Variants in XKR9 observed in about 807,000 individuals in gnomAD.
XKR9 encodes the protein XK-related protein 9.
Under a neutral mutation model 32.0 loss-of-function variants are expected in XKR9, and 32 were observed. The observed-to-expected ratio is 1.00, with a 90% CI of 0.76 to 1.34. The LOEUF (loss-of-function observed/expected upper bound fraction) is 1.34, where lower values mean the gene tolerates loss of function less well. Ranked by LOEUF, XKR9 falls within the 40% of genes most tolerant of loss-of-function variation. XKR9 has a pLI of 0.00. For synonymous variants in XKR9, 168 were observed against 143.4 expected (o/e 1.17, Z -1.22); for missense variants, 546 against 429.7 (o/e 1.27, Z -2.39).
At chr8:70,976,415 T>G in the XKR9 span, among the ~76,000 whole-genome samples, 1 of 152,214 alleles carries the variant, frequency 6.6e-6, no homozygotes, top group Non-Finnish European at 1.5e-5. Context: ...TATTGAGAGT[T>G]TTTAGCATGA....
At chr8:70,894,039 C>A in the XKR9 span, among the ~76,000 whole-genome samples, 1 of 151,960 alleles carries the variant, frequency 6.6e-6, no homozygotes, top group Non-Finnish European at 1.5e-5. Context: ...CTCTGAGAAG[C>A]AAGGCATAGC....
At chr8:70,953,830 C>T in the XKR9 span, among the ~76,000 whole-genome samples, 2 of 152,156 alleles carry the variant, frequency 1.3e-5, no homozygotes, top group Admixed American at 1.3e-4. Flanking sequence ...CTCTACCTGC[C>T]TCTTTCCCTG....
At chr8:71,057,654 T>A in the XKR9 span, among the ~76,000 whole-genome samples, 14 of 152,096 alleles carry the variant, frequency 9.2e-5, no homozygotes, top group Admixed American at 5.9e-4. Context: ...ACTGAGCAAA[T>A]AACATTCCCT....
At chr8:70,976,382 G>A in the XKR9 span, among the ~76,000 whole-genome samples, 2 of 151,962 alleles carry the variant, frequency 1.3e-5, no homozygotes, top group East Asian at 1.9e-4. Context: ...TTATTTTGAG[G>A]TATATTCCAT....
chr8:70,672,556 G>T (rs932414388), intron 1 of XKR9, among the ~76,000 whole-genome samples: 1 of 152,116 alleles, frequency 6.6e-6, no homozygotes, highest in Non-Finnish European at 1.5e-5. Flanking sequence ...AGGTGCAGTT[G>T]TCCCTTTGAT....
the XKR9 span, among the ~76,000 whole-genome samples, chr8:70,940,233 C>T: frequency 6.6e-6 from 1 of 151,958 alleles, no homozygotes; most frequent in African/African-American, 2.4e-5. Flanking sequence ...AGGTCTGGTC[C>T]CAGTTCTTTC....
the XKR9 span, among the ~76,000 whole-genome samples, chr8:70,933,261 G>A: frequency 2.0e-5 from 3 of 152,154 alleles, no homozygotes; most frequent in Admixed American, 6.5e-5. Flanking sequence ...GAAATGTGCT[G>A]GTCTTTAAGA....
chr8:70,965,046 C>T, the XKR9 span, among the ~76,000 whole-genome samples: 51 of 152,232 alleles, frequency 3.4e-4, no homozygotes, highest in Middle Eastern at 3.4e-3. Flanking sequence ...GTGAATGCTC[C>T]AGCTTCTGCC....
At chr8:71,028,605 C>T in the XKR9 span, among the ~76,000 whole-genome samples, 1 of 151,976 alleles carries the variant, frequency 6.6e-6, no homozygotes, top group East Asian at 1.9e-4. Flanking sequence ...TATTTCAAAA[C>T]AATTGAGAGT....
At chr8:70,884,040 C>T in the XKR9 span, among the ~76,000 whole-genome samples, 61 of 152,202 alleles carry the variant, frequency 4.0e-4, no homozygotes, top group Middle Eastern at 3.4e-3. Flanking sequence ...ACATTCTTGT[C>T]AGCATTTGGT....
At chr8:70,794,297 A>G (rs1307737077), downstream of XKR9, among the ~76,000 whole-genome samples, 1 of 152,034 alleles carries the variant, frequency 6.6e-6, no homozygotes, top group Admixed American at 6.6e-5. Context: ...CCATCTACCT[A>G]TAGAGATAGT....
intron 3 of XKR9, among the ~76,000 whole-genome samples, chr8:70,705,596 G>A (rs572476684): frequency 3.2e-4 from 49 of 152,242 alleles, no homozygotes; most frequent in African/African-American, 1.0e-3. Context: ...ACTGGAAGTG[G>A]GAGAGAAATG....
chr8:70,952,518 T>C, the XKR9 span, among the ~76,000 whole-genome samples: 1 of 152,228 alleles, frequency 6.6e-6, no homozygotes, highest in East Asian at 1.9e-4. Context: ...CAAGTGGCTT[T>C]CTTGTGCAAG....
At chr8:70,832,973 A>G in the XKR9 span, among the ~76,000 whole-genome samples, 1 of 152,226 alleles carries the variant, frequency 6.6e-6, no homozygotes, top group Non-Finnish European at 1.5e-5. Context: ...TTATCAAATG[A>G]ATAAATAAAT....
chr8:70,981,599 G>T, the XKR9 span, among the ~76,000 whole-genome samples: 1 of 151,930 alleles, frequency 6.6e-6, no homozygotes, highest in African/African-American at 2.4e-5. Flanking sequence ...CTGGTGCCTC[G>T]CTGATTAGCT....
At chr8:70,779,588 C>CT (rs1324022185) in intron 2 of XKR9, among the ~76,000 whole-genome samples, 3 of 151,974 alleles carry the variant, frequency 2.0e-5, no homozygotes, top group Non-Finnish European at 4.4e-5. Flanking sequence ...TGGACCTGGG[C>CT]TTTTTTTGGT....
chr8:71,017,760 CCT>C, the XKR9 span, among the ~76,000 whole-genome samples: 1 of 152,168 alleles, frequency 6.6e-6, no homozygotes, highest in Non-Finnish European at 1.5e-5. Flanking sequence ...CCAAGGTGGG[CCT>C]TTCAGAAGAG....
chr8:70,749,490 T>C (rs1807104288), intron 2 of XKR9, among the ~76,000 whole-genome samples: 1 of 152,260 alleles, frequency 6.6e-6, no homozygotes, highest in African/African-American at 2.4e-5. Context: ...CAGAAGCTAC[T>C]TGTGGTACAT....
chr8:71,014,358 A>AGAAGTCTG, the XKR9 span, among the ~76,000 whole-genome samples: 1 of 152,236 alleles, frequency 6.6e-6, no homozygotes, highest in Non-Finnish European at 1.5e-5. Flanking sequence ...TCTGGAGGCC[A>AGAAGTCTG]GAAGTCTGAA....
Sources: gnomAD v4.1 joint callset for allele counts (sites outside exome capture counted in the v4.1 genomes callset) on GRCh38, gnomAD v4.1.1 for gene constraint, MANE v1.5 for transcripts, NCBI Gene and HGNC (gene_info 2026-07-23, HGNC 2026-07-21) for gene names.